The following MAMDC2 variants were observed in gnomAD, a reference collection of about 807,000 sequenced individuals.
The protein encoded by MAMDC2 is MAM domain-containing protein 2.
In MAMDC2, 57 loss-of-function variants were observed where a neutral mutation model predicts 89.8. The observed-to-expected ratio is 0.63, with a 90% CI of 0.51 to 0.79. The LOEUF (loss-of-function observed/expected upper bound fraction) is 0.79, where lower values mean the gene tolerates loss of function less well. Among genes scored for constraint, MAMDC2 ranks in the 30% least tolerant of loss-of-function variants. The pLI, the probability that MAMDC2 is intolerant of heterozygous loss-of-function variation, is 0.00. For missense variants in MAMDC2, 800 were observed against 820.6 expected (o/e 0.97, Z 0.31); for synonymous variants, 313 against 293.4 (o/e 1.07, Z -0.68).
intron 2 of MAMDC2, among the ~76,000 whole-genome samples, chr9:70,088,122 C>T (rs1827812222): frequency 1.3e-5 from 2 of 152,006 alleles, no homozygotes; most frequent in African/African-American, 2.4e-5. Flanking sequence ...GTTGACAACC[C>T]CAATCTCTCT....
chr9:70,143,439 A>T (rs2031293223), intron 8 of MAMDC2, 115 bp from the exon 9 acceptor site: 1 of 1,184,514 alleles, frequency 8.4e-7, no homozygotes, highest in African/African-American at 1.5e-5. Flanking sequence ...GCTTTCTATC[A>T]TTTAAAGCAT....
chr9:70,115,982 T>C (rs2029966619), intron 5 of MAMDC2, among the ~76,000 whole-genome samples: 1 of 152,246 alleles, frequency 6.6e-6, no homozygotes, highest in African/African-American at 2.4e-5. Context: ...TTCTGTCATA[T>C]CTTAAGAATC....
intron 6 of MAMDC2, among the ~76,000 whole-genome samples, chr9:70,130,799 CA>C (rs1244631346): frequency 6.7e-6 from 1 of 150,074 alleles, no homozygotes; most frequent in Non-Finnish European, 1.5e-5. Flanking sequence ...CAAAACAAAA[CA>C]AAAAAACAAA....
At chr9:70,173,211 T>C (rs922483300) in intron 11 of MAMDC2, among the ~76,000 whole-genome samples, 1 of 152,116 alleles carries the variant, frequency 6.6e-6, no homozygotes, top group African/African-American at 2.4e-5. Flanking sequence ...ACATTGAATC[T>C]AGCGGAAAGT....
intron 7 of MAMDC2, 100 bp from the exon 8 acceptor site, chr9:70,140,045 C>T (rs1252608728): frequency 1.6e-6 from 2 of 1,263,384 alleles, no homozygotes; most frequent in East Asian, 2.8e-5. Flanking sequence ...TCTTCGGTCT[C>T]CCCTGGTACA....
At chr9:70,194,257 T>C (rs910044779) in intron 11 of MAMDC2, 3 of 152,090 alleles carry the variant, frequency 2.0e-5, no homozygotes, top group African/African-American at 7.2e-5. Flanking sequence ...TAACAATCAG[T>C]GACCTGCTGC....
intron 2 of MAMDC2, among the ~76,000 whole-genome samples, chr9:70,099,965 A>C (rs2118214939): frequency 6.8e-6 from 1 of 146,328 alleles, no homozygotes; most frequent in Non-Finnish European, 1.5e-5. Context: ...ACAGAGCAAG[A>C]CTCTGCCAAA....
rs2030540824 is a variant in MAMDC2, at chr9:70,126,259, ATTT to A, written c.746_748del (p.Phe249del). Reference sequence around the variant, plus strand: ...CGGCCCCCATGGCTGGCTGCCTGTCATTTTATTACCAGATCCAGCAGGGGAATG... The same window carrying A: ...CGGCCCCCATGGCTGGCTGCCTGTCATATTACCAGATCCAGCAGGGGAATG... On this transcript the variant is annotated inframe_deletion, in exon 6 of 14. Coordinates refer to ENST00000377182, the MANE Select transcript of MAMDC2 (RefSeq NM_153267.5). 6.2e-7 allele frequency: 1 copy of A among 1,614,030 alleles called. No individual in the cohort carries two copies. Among genetic ancestry groups the A allele is most frequent in the Non-Finnish European group, 8.5e-7 (1 of 1,180,040 alleles).
intron 2 of MAMDC2, among the ~76,000 whole-genome samples, chr9:70,100,503 A>G (rs1828158938): frequency 6.6e-6 from 1 of 152,240 alleles, no homozygotes; most frequent in Non-Finnish European, 1.5e-5. Flanking sequence ...AAAAAGAAGC[A>G]GTGTCCTTGT....
At chr9:70,107,466 G>A (rs1456987329) in intron 2 of MAMDC2, among the ~76,000 whole-genome samples, 1 of 152,188 alleles carries the variant, frequency 6.6e-6, no homozygotes, top group Non-Finnish European at 1.5e-5. Context: ...AGTGAGGATA[G>A]AGGAGAAGGA....
At position 70,212,732 on chromosome 9, in the gene MAMDC2, G is replaced by A. The variant is rs544377935; in HGVS notation, c.1652-5605G>A. On this transcript the variant is annotated intron_variant, in intron 11 of 13. Transcript: ENST00000377182. ...ATGCTGGGAGCTGTAGACTGTAGCTGTTCCTATTTGGCCATCTTGGAACCT... is the reference window on the plus strand; with the variant it reads ...ATGCTGGGAGCTGTAGACTGTAGCTATTCCTATTTGGCCATCTTGGAACCT... Among the ~76,000 whole-genome samples the A allele has an allele frequency of 1.4e-4, 21 of 152,252 alleles. 1 individual carries two copies. The highest frequency in any genetic ancestry group is 4.8e-4 in the African/African-American group (20 of 41,566).
At chr9:70,094,038 C>G (rs1023648849) in intron 2 of MAMDC2, 1 of 152,170 alleles carries the variant, frequency 6.6e-6, no homozygotes, top group African/African-American at 2.4e-5. Flanking sequence ...TATGACAGAC[C>G]CTATGACAAA....
rs576061247 is a variant in MAMDC2, at chr9:70,123,035, G to T, written c.644-3124G>T. 9.3e-4 allele frequency among the ~76,000 whole-genome samples: 141 copies of T among 152,272 alleles called. 1 individual carries two copies. Among genetic ancestry groups the T allele is most frequent in the Non-Finnish European group, 1.6e-3 (112 of 68,018 alleles). ...GTGGCTGGAGACCCAGTCAATGATG[G>T]TTCCTTCAGCAAGTTCTCTTAAAGG... On this transcript the variant is annotated intron_variant, in intron 5 of 13. Transcript: ENST00000377182.
chr9:70,140,642 C>A (rs113139665), intron 8 of MAMDC2, among the ~76,000 whole-genome samples: 160 of 152,142 alleles, frequency 1.1e-3, no homozygotes, highest in Middle Eastern at 6.8e-3. Context: ...TTGCCAGGGG[C>A]CGTGGCAGAG....
rs529911418 is a variant in MAMDC2, at chr9:70,205,744, A to G, written c.1652-12593A>G. Among the ~76,000 whole-genome samples, 4 of 152,278 alleles carry G rather than the reference A, an allele frequency of 2.6e-5. No homozygotes were observed. The South Asian group carries it at 6.2e-4, about 24-fold the overall frequency. On this transcript the variant is annotated intron_variant, in intron 11 of 13. Coordinates refer to ENST00000377182, the MANE Select transcript of MAMDC2 (RefSeq NM_153267.5). Reference sequence around the variant, plus strand: ...TTTTCTCCAGTTAATAATCCCTTCCACAGACTGGAATCCTTCATGTGCAAC... The same window carrying G: ...TTTTCTCCAGTTAATAATCCCTTCCGCAGACTGGAATCCTTCATGTGCAAC...
In MAMDC2 at chr9:70,168,578, C is replaced by T. The variant is rs745668114; in HGVS notation, c.1405-124C>T. 5.6e-5 allele frequency: 37 copies of T among 659,426 alleles called. 1 individual carries two copies. Among genetic ancestry groups the T allele is most frequent in the South Asian group, 2.9e-4 (16 of 54,354 alleles). 40.8% of individuals were successfully genotyped at this position (659,426 alleles called of 1,614,324 possible). A position where few individuals can be genotyped will look rare whatever the true frequency, so the allele number is the denominator to read the frequency against. ...TTCCTACTGTGTTCTGTTGTTCATA[C>T]GGACGCTGAAGAGCTGCTTGTAGTT... On this transcript the variant is annotated intron_variant, in intron 9 of 13. Transcript: ENST00000377182.
At chr9:70,075,019 T>C (rs959986818) in intron 2 of MAMDC2, among the ~76,000 whole-genome samples, 12 of 152,294 alleles carry the variant, frequency 7.9e-5, no homozygotes, top group Admixed American at 3.3e-4. Flanking sequence ...GGAAAATTGA[T>C]ATTGAGGTTG....
chr9:70,207,030 T>C (rs1379814252), intron 11 of MAMDC2, among the ~76,000 whole-genome samples: 1 of 152,258 alleles, frequency 6.6e-6, no homozygotes, highest in Non-Finnish European at 1.5e-5. Context: ...AGTCTATCAT[T>C]GATGGACATT....
intron 11 of MAMDC2, among the ~76,000 whole-genome samples, chr9:70,181,990 T>C (rs146744857): frequency 0.051 from 7,701 of 152,242 alleles, 234 homozygotes; most frequent in South Asian, 0.073. Flanking sequence ...TGGCTATGGG[T>C]TTGTCATAAA....
Sources: allele counts gnomAD v4.1 joint callset (sites outside exome capture counted in the v4.1 genomes callset), GRCh38; gene constraint gnomAD v4.1.1; transcripts MANE v1.5; gene names NCBI Gene and HGNC (gene_info 2026-07-23, HGNC 2026-07-21).